Variants in ACVR2B observed in about 807,000 individuals in gnomAD.
The protein encoded by ACVR2B is activin A receptor type 2B.
In ACVR2B, 18 loss-of-function variants were observed where a neutral mutation model predicts 65.1. That is an observed-to-expected ratio of 0.28 (90% CI 0.19 to 0.41). ACVR2B has a LOEUF of 0.41. Ranked by LOEUF, ACVR2B falls within the 10% of genes least tolerant of loss-of-function variation. The pLI is 1.00. For synonymous variants in ACVR2B, 298 were observed against 277.7 expected, an observed-to-expected ratio of 1.07 and a Z score of -0.73; for missense variants, 482 against 682.7, an observed-to-expected ratio of 0.71 and a Z score of 3.28.
chr3:38,468,441 T>C (rs1404535484), intron 1 of ACVR2B, among the ~76,000 whole-genome samples: 1 of 152,230 alleles, frequency 6.6e-6, no homozygotes, highest in East Asian at 1.9e-4. Context: ...TTCAGTGTGA[T>C]ACCTGTGTCC....
intron 1 of ACVR2B, among the ~76,000 whole-genome samples, chr3:38,471,726 C>T (rs1480358777): frequency 6.6e-6 from 1 of 152,204 alleles, no homozygotes; most frequent in Non-Finnish European, 1.5e-5. Flanking sequence ...CTGATTTTGA[C>T]ACTTAATAAG....
Position 38,479,846 on chromosome 3 carries a change from C to A in ACVR2B, c.959+20C>A, listed in dbSNP as rs1474171558. On this transcript the variant is annotated intron_variant, in intron 7 of 10. Transcript: ENST00000352511. ...CCACAGGTACCTGGGTCAGCAGGTG[C>A]CTTTCCTGCACTTGACCTGGAGCTG... 4 of 1,612,892 alleles carry A rather than the reference C, an allele frequency of 2.5e-6. No homozygotes were observed. The East Asian group carries it at 8.9e-5, about 36-fold the overall frequency.
At chr3:38,470,308 A>G (rs973104155) in intron 1 of ACVR2B, among the ~76,000 whole-genome samples, 11 of 152,244 alleles carry the variant, frequency 7.2e-5, no homozygotes, top group African/African-American at 2.4e-4. Flanking sequence ...AACTGCCAAG[A>G]GAGAAAGCAG....
chr3:38,467,953 C>T (rs923698296), intron 1 of ACVR2B, among the ~76,000 whole-genome samples: 23 of 152,190 alleles, frequency 1.5e-4, no homozygotes, highest in African/African-American at 5.3e-4. Context: ...TCTCAGCTCA[C>T]TGCAACCACT....
rs1407489703 is a variant in ACVR2B at position 38,468,701 on chromosome 3, A to G, written c.53-8586A>G. Reference sequence around the variant, plus strand: ...GTGGGGGAAGTCACATTGCTTTTCTACTTTATCCAGAGCCAACTTAGGAGT... The same window carrying G: ...GTGGGGGAAGTCACATTGCTTTTCTGCTTTATCCAGAGCCAACTTAGGAGT... On this transcript the variant is annotated intron_variant, in intron 1 of 10. Transcript: ENST00000352511. Among the ~76,000 whole-genome samples the G allele has an allele frequency of 2.0e-5, 3 of 152,180 alleles. No homozygotes were observed. The East Asian group carries it at 5.8e-4, about 29-fold the overall frequency.
At position 38,488,810 on chromosome 3, in the gene ACVR2B, G is replaced by A. The variant is rs1710165314; in HGVS notation, c.*5478G>A. The A allele has an allele frequency of 6.6e-6, 1 of 152,134 alleles. No homozygotes were observed. Among genetic ancestry groups the A allele is most frequent in the African/African-American group, 2.4e-5 (1 of 41,420 alleles). The allele number at this position is 152,134 out of a possible 1,614,324, so 9.4% of individuals were successfully genotyped here. On this transcript the variant is annotated 3_prime_UTR_variant, in exon 11 of 11. Coordinates refer to ENST00000352511, the MANE Select transcript of ACVR2B (RefSeq NM_001106.4). ...TATTCTCTAAATGCCAATGTGTGGT[G>A]ATGGGCCCTGCACTGCCTTCATTTC... is the stretch of plus-strand genomic sequence containing the variant.
At chr3:38,470,099 A>G (rs1277992022) in intron 1 of ACVR2B, among the ~76,000 whole-genome samples, 10 of 152,222 alleles carry the variant, frequency 6.6e-5, no homozygotes, top group African/African-American at 2.2e-4. Context: ...GAGGGTTAAG[A>G]GACTGGGCAG....
Position 38,478,454 on chromosome 3 carries a change from T to A in ACVR2B, c.602T>A (p.Phe201Tyr). ...QLLEIKARGR[F>Y]GCVWKAQLMN... ...CTGGAGATCAAGGCTCGGGGGCGCT[T>A]TGGCTGTGTCTGGAAGGCCCAGCTC... The change falls in exon 5 of 11, where the codon TTT becomes TAT. Residue 201 changes from phenylalanine to tyrosine, a missense_variant. Physicochemically the swap from Phe to Tyr is conservative, Grantham distance 22. This residue lies in a region of ACVR2B where 223 missense variants were observed against 386.3 expected (regional missense o/e 0.58). Coordinates refer to ENST00000352511, the MANE Select transcript of ACVR2B (RefSeq NM_001106.4). 6.2e-7 allele frequency: 1 copy of A among 1,614,096 alleles called. No homozygotes were observed. The highest frequency in any genetic ancestry group is 8.5e-7 in the Non-Finnish European group (1 of 1,180,002).
intron 1 of ACVR2B, chr3:38,476,940 C>A: frequency 2.5e-6 from 1 of 406,740 alleles, no homozygotes; most frequent in Non-Finnish European, 4.6e-6. Flanking sequence ...CACGCAGGAG[C>A]CTCAGGTGTT....
rs1710065914 is a variant in ACVR2B at position 38,483,816 on chromosome 3, C to G, written c.*484C>G. The G allele has an allele frequency of 6.5e-6, 1 of 153,760 alleles. No homozygotes were observed. The highest frequency in any genetic ancestry group is 1.5e-5 in the Non-Finnish European group (1 of 68,634). The allele number at this position is 153,760 out of a possible 1,614,324, so 9.5% of individuals were successfully genotyped here. On this transcript the variant is annotated 3_prime_UTR_variant, in exon 11 of 11. Coordinates refer to ENST00000352511, the MANE Select transcript of ACVR2B (RefSeq NM_001106.4). The surrounding 1 kb of genome is among the most constrained non-coding windows in gnomAD (Gnocchi z 4.8). ...CCTCAGAAGAGGAGTTTCCTCTGCCCTCTGCCCTTCTCCCCTGCCTCCCTC... is the reference window on the plus strand; with the variant it reads ...CCTCAGAAGAGGAGTTTCCTCTGCCGTCTGCCCTTCTCCCCTGCCTCCCTC...
intron 1 of ACVR2B, among the ~76,000 whole-genome samples, chr3:38,462,435 A>G (rs577126354): frequency 1.3e-5 from 2 of 152,144 alleles, no homozygotes; most frequent in South Asian, 4.1e-4. Context: ...GTTTTGTTCC[A>G]TTTCAGTCTC....
At chr3:38,472,487 A>G (rs1052812681) in intron 1 of ACVR2B, among the ~76,000 whole-genome samples, 4 of 152,056 alleles carry the variant, frequency 2.6e-5, no homozygotes, top group African/African-American at 7.2e-5. Flanking sequence ...GGTGTGCCTC[A>G]GTGTGCTGGC....
At chr3:38,472,695 C>T (rs1709839182) in intron 1 of ACVR2B, among the ~76,000 whole-genome samples, 1 of 152,152 alleles carries the variant, frequency 6.6e-6, no homozygotes, top group Non-Finnish European at 1.5e-5. Flanking sequence ...CTCTAGGAGA[C>T]ACTGGCTGGA....
chr3:38,479,388 G>C, intron 6 of ACVR2B, 117 bp downstream of exon 6: 1 of 1,473,758 alleles, frequency 6.8e-7, no homozygotes, highest in Non-Finnish European at 9.4e-7. Flanking sequence ...ACTCTGCCCC[G>C]GTAGCACTAT....
At chr3:38,469,739 C>T (rs1321122078) in intron 1 of ACVR2B, among the ~76,000 whole-genome samples, 1 of 152,140 alleles carries the variant, frequency 6.6e-6, no homozygotes, top group Non-Finnish European at 1.5e-5. Context: ...AGAAAAGGCC[C>T]CACTGAACAT....
At position 38,486,372 on chromosome 3, in the gene ACVR2B, A is replaced by AT. The variant is rs1710121015; in HGVS notation, c.*3041dup. The stretch of plus-strand genomic sequence containing the variant: ...CAAGAAGAAGGTGGGGGATCTCCTT[A>AT]TAGGGCATGGGTCTAGGAGCACAGA... On this transcript the variant is annotated 3_prime_UTR_variant, in exon 11 of 11. Transcript: ENST00000352511. The AT allele has an allele frequency of 6.6e-6, 1 of 152,250 alleles. No individual in the cohort carries two copies. Among genetic ancestry groups the AT allele is most frequent in the Admixed American group, 6.5e-5 (1 of 15,280 alleles). The allele number at this position is 152,250 out of a possible 1,614,324, so 9.4% of individuals were successfully genotyped here.
intron 7 of ACVR2B, among the ~76,000 whole-genome samples, chr3:38,480,350 AC>A (rs1391134365): frequency 6.6e-6 from 1 of 152,202 alleles, no homozygotes; most frequent in Non-Finnish European, 1.5e-5. Context: ...GGGTCCTCGA[AC>A]CACCCTTTAA....
At position 38,467,128 on chromosome 3, in the gene ACVR2B, G is replaced by A. The variant is rs551746955; in HGVS notation, c.53-10159G>A. Among the ~76,000 whole-genome samples, 19 of 152,264 alleles carry A rather than the reference G, an allele frequency of 1.2e-4. No homozygotes were observed. In the South Asian group the frequency reaches 2.1e-3, roughly 17 times the overall value. On this transcript the variant is annotated intron_variant, in intron 1 of 10. Coordinates refer to ENST00000352511, the MANE Select transcript of ACVR2B (RefSeq NM_001106.4). ...GCTATCATCTCTAGGGTAACCAAAGGATAGATTATAATTTTCAAGCTAAAA... is the reference window on the plus strand; with the variant it reads ...GCTATCATCTCTAGGGTAACCAAAGAATAGATTATAATTTTCAAGCTAAAA...
At chr3:38,479,083 C>T (rs533731) in intron 5 of ACVR2B, 45 bp from the exon 6 acceptor site, 2 of 1,612,674 alleles carry the variant, frequency 1.2e-6, no homozygotes, top group African/African-American at 2.7e-5. Flanking sequence ...TGCAGCAGGG[C>T]TAAGCCAGCC....
Sources: gnomAD v4.1 joint callset for allele counts (sites outside exome capture counted in the v4.1 genomes callset) on GRCh38, gnomAD v4.1.1 for gene constraint, gnomAD v4.1.1 regional missense constraint, Gnocchi (gnomAD v3.1) non-coding constraint, MANE v1.5 for transcripts, NCBI Gene and HGNC (gene_info 2026-07-23, HGNC 2026-07-21) for gene names.